The following IPCEF1 variants were observed in gnomAD, a reference collection of about 807,000 sequenced individuals.
IPCEF1 encodes the protein interaction protein for cytohesin exchange factors 1.
IPCEF1 carries 31 observed loss-of-function variants against 50.9 expected under a neutral mutation model. The ratio of observed to expected loss-of-function variants is 0.61; its 90% CI spans 0.46 to 0.82. The LOEUF is 0.82. Among genes scored for constraint, IPCEF1 ranks in the 40% least tolerant of loss-of-function variants. IPCEF1 has a pLI of 0.00. For missense variants in IPCEF1, 458 were observed against 514.0 expected (o/e 0.89, Z 1.05); for synonymous variants, 181 against 192.0 (o/e 0.94, Z 0.47).
intron 2 of IPCEF1, among the ~76,000 whole-genome samples, chr6:154,272,054 C>T (rs2128658490): frequency 6.6e-6 from 1 of 152,334 alleles, no homozygotes; most frequent in South Asian, 2.1e-4. Flanking sequence ...AATCCCAACT[C>T]TGCCACTTGT....
Position 154,171,541 on chromosome 6 carries a change from A to G in IPCEF1, c.911-3428T>C, listed in dbSNP as rs547155902. Among the ~76,000 whole-genome samples the G allele has an allele frequency of 5.9e-5, 9 of 152,350 alleles. No individual in the cohort carries two copies. The South Asian group carries it at 1.9e-3, about 32-fold the overall frequency. On this transcript the variant is annotated intron_variant, in intron 10 of 11. Coordinates refer to ENST00000367220, the MANE Select transcript of IPCEF1 (RefSeq NM_001130700.2). ...TGTGATGCTGAAATGTTCCAAAATT[A>G]GATTGTGATGACAGCTGCACAATTC... is the stretch of plus-strand genomic sequence containing the variant.
At chr6:154,217,800 G>A (rs1173207544) in intron 7 of IPCEF1, among the ~76,000 whole-genome samples, 5 of 152,262 alleles carry the variant, frequency 3.3e-5, no homozygotes, top group South Asian at 4.1e-4. Flanking sequence ...GCATCTAAAA[G>A]TGAAATAGGG....
chr6:154,216,123 A>G (rs1562546900), intron 7 of IPCEF1, among the ~76,000 whole-genome samples: 1 of 152,202 alleles, frequency 6.6e-6, no homozygotes, highest in African/African-American at 2.4e-5. Context: ...CCAATCATAA[A>G]TATCAATCCT....
intron 10 of IPCEF1, among the ~76,000 whole-genome samples, chr6:154,191,437 GC>G (rs1443232438): frequency 1.3e-5 from 2 of 152,132 alleles, no homozygotes; most frequent in East Asian, 3.9e-4. Flanking sequence ...ACTTTGGGAG[GC>G]CGAGGCAGGT....
intron 10 of IPCEF1, among the ~76,000 whole-genome samples, chr6:154,179,137 G>C (rs1295349771): frequency 6.6e-6 from 1 of 152,114 alleles, no homozygotes; most frequent in East Asian, 1.9e-4. Flanking sequence ...AGTGGAAGCA[G>C]GTGATAAGTA....
chr6:154,165,655 A>G (rs770836073), intron 11 of IPCEF1, among the ~76,000 whole-genome samples: 1 of 152,210 alleles, frequency 6.6e-6, no homozygotes, highest in African/African-American at 2.4e-5. Context: ...CGGGCCCCCA[A>G]TCTTCTCTGC....
At chr6:154,265,832 A>C in intron 3 of IPCEF1, 80 bp downstream of exon 3, 1 of 997,730 alleles carries the variant, frequency 1.0e-6, no homozygotes. Flanking sequence ...TTGCTAGCCA[A>C]ACTTGAAATC....
chr6:154,352,707 T>C (rs1339055552), intron 1 of IPCEF1, among the ~76,000 whole-genome samples: 1 of 152,216 alleles, frequency 6.6e-6, no homozygotes, highest in Non-Finnish European at 1.5e-5. Context: ...ACGTCCCTGA[T>C]AAGGGACTCC....
At chr6:154,248,739 T>G (rs1781259280) in intron 3 of IPCEF1, among the ~76,000 whole-genome samples, 2 of 152,282 alleles carry the variant, frequency 1.3e-5, no homozygotes, top group African/African-American at 4.8e-5. Context: ...AATCTGCTTC[T>G]TCATTTATAA....
chr6:154,170,187 C>T (rs1043626430), intron 10 of IPCEF1, among the ~76,000 whole-genome samples: 26 of 152,196 alleles, frequency 1.7e-4, no homozygotes, highest in Non-Finnish European at 3.1e-4. Flanking sequence ...TCCTTTATTC[C>T]TTGGAAGAAA....
At chr6:154,197,551 A>G (rs779335253) in intron 10 of IPCEF1, among the ~76,000 whole-genome samples, 4 of 152,368 alleles carry the variant, frequency 2.6e-5, no homozygotes, top group Non-Finnish European at 5.9e-5. Flanking sequence ...GAAGAAGTAT[A>G]CAGATTTTGC....
intron 1 of IPCEF1, chr6:154,306,808 GC>G (rs1346840835): frequency 1.3e-5 from 2 of 152,200 alleles, no homozygotes. Context: ...CAGACATCTA[GC>G]CAATGCCCAG....
chr6:154,333,533 A>G (rs1026807218), intron 1 of IPCEF1, among the ~76,000 whole-genome samples: 2 of 151,404 alleles, frequency 1.3e-5, no homozygotes, highest in Non-Finnish European at 2.9e-5. Context: ...GAGTTAATAT[A>G]CTTAATAAAT....
intron 7 of IPCEF1, among the ~76,000 whole-genome samples, chr6:154,215,887 A>G (rs1044034256): frequency 6.6e-6 from 1 of 152,330 alleles, no homozygotes; most frequent in Non-Finnish European, 1.5e-5. Flanking sequence ...TCTCAGCCTC[A>G]ATAGTATTTT....
chr6:154,161,627 C>A (rs550013690), intron 11 of IPCEF1, among the ~76,000 whole-genome samples: 54 of 152,282 alleles, frequency 3.5e-4, no homozygotes, highest in African/African-American at 1.3e-3. Context: ...TGTTCTCATG[C>A]CTTCCAATGA....
chr6:154,226,670 A>T (rs1779276785), intron 5 of IPCEF1, among the ~76,000 whole-genome samples: 1 of 152,154 alleles, frequency 6.6e-6, no homozygotes. Flanking sequence ...CATCAAATTT[A>T]GTGTCCAAAT....
rs1798689328 is a variant in IPCEF1, at chr6:154,155,791, AAAAAAAGTATTTCTTACTAAGAGAT to A, written c.*4012_*4036del. The A allele has an allele frequency of 6.6e-6, 1 of 152,276 alleles. No individual in the cohort carries two copies. Among genetic ancestry groups the A allele is most frequent in the Non-Finnish European group, 1.5e-5 (1 of 68,076 alleles). The allele number at this position is 152,276 out of a possible 1,614,324, so 9.4% of individuals were successfully genotyped here. On this transcript the variant is annotated 3_prime_UTR_variant, in exon 12 of 12. Transcript: ENST00000367220. ...GCAAGACTCTGTCTAAAAAAAGAAA[AAAAAAAGTATTTCTTACTAAGAGAT>A]AATGTACCTATGAATTTAAACATGT...
chr6:154,338,357 T>C (rs1262111033), intron 1 of IPCEF1, among the ~76,000 whole-genome samples: 1 of 152,232 alleles, frequency 6.6e-6, no homozygotes, highest in Non-Finnish European at 1.5e-5. Context: ...GATAGGGAAC[T>C]GAGAGCCAAA....
intron 1 of IPCEF1, among the ~76,000 whole-genome samples, chr6:154,341,443 T>C (rs977158087): frequency 2.0e-5 from 3 of 152,122 alleles, no homozygotes; most frequent in Non-Finnish European, 4.4e-5. Context: ...GAGGTTATGA[T>C]TGATATTGAA....
Sources: gnomAD v4.1 joint callset for allele counts (sites outside exome capture counted in the v4.1 genomes callset) on GRCh38, gnomAD v4.1.1 for gene constraint, MANE v1.5 for transcripts, NCBI Gene and HGNC (gene_info 2026-07-23, HGNC 2026-07-21) for gene names.